The following CHRM3 variants were observed in gnomAD, a reference collection of about 807,000 sequenced individuals.
The protein encoded by CHRM3 is muscarinic acetylcholine receptor M3.
A neutral mutation model predicts 41.8 loss-of-function variants in CHRM3; 11 were observed. That is an observed-to-expected ratio of 0.26 (90% CI 0.17 to 0.44). The LOEUF (loss-of-function observed/expected upper bound fraction) is 0.44, where lower values mean the gene tolerates loss of function less well. Among genes scored for constraint, CHRM3 ranks in the 20% least tolerant of loss-of-function variants. The pLI is 1.00. For missense variants in CHRM3, 571 were observed against 745.4 expected (o/e 0.77, Z 2.72); for synonymous variants, 297 against 301.4 (o/e 0.99, Z 0.15).
chr1:239,809,955 C>T (rs762010573), intron 5 of CHRM3, among the ~76,000 whole-genome samples: 2 of 152,152 alleles, frequency 1.3e-5, no homozygotes, highest in African/African-American at 2.4e-5. Flanking sequence ...AGTGTCTGCT[C>T]GACTAAGGAG....
chr1:239,421,902 A>G (rs1053633947), intron 1 of CHRM3, among the ~76,000 whole-genome samples: 1 of 152,104 alleles, frequency 6.6e-6, no homozygotes, highest in African/African-American at 2.4e-5. Flanking sequence ...TCACTTGTTA[A>G]GAATGCAGGT....
At chr1:239,728,737 A>T (rs1381315030) in intron 5 of CHRM3, among the ~76,000 whole-genome samples, 1 of 151,978 alleles carries the variant, frequency 6.6e-6, no homozygotes, top group East Asian at 1.9e-4. Context: ...CTACTCAAGG[A>T]TCTACTAAAC....
intron 1 of CHRM3, among the ~76,000 whole-genome samples, chr1:239,416,472 G>T (rs1158303263): frequency 6.6e-6 from 1 of 152,020 alleles, no homozygotes; most frequent in Admixed American, 6.6e-5. Flanking sequence ...GAACAAGAAT[G>T]AAATATACTT....
intron 1 of CHRM3, among the ~76,000 whole-genome samples, chr1:239,431,133 C>T (rs577346839): frequency 8.5e-5 from 13 of 152,102 alleles, no homozygotes; most frequent in African/African-American, 2.2e-4. Context: ...TTCATGTATT[C>T]GCTTGTTTAT....
intron 5 of CHRM3, among the ~76,000 whole-genome samples, chr1:239,796,027 G>A (rs1187124049): frequency 6.6e-6 from 1 of 152,124 alleles, no homozygotes; most frequent in Non-Finnish European, 1.5e-5. Flanking sequence ...TTTTGGCTGA[G>A]CATTTTTTTA....
rs1190587183 is a variant in CHRM3 at position 239,567,312 on chromosome 1, A to AC, written c.-313+21563_-313+21564insC. 3.3e-5 allele frequency among the ~76,000 whole-genome samples: 5 copies of AC among 151,666 alleles called. No individual in the cohort carries two copies. In the East Asian group the frequency reaches 9.7e-4, roughly 30 times the overall value. On this transcript the variant is annotated intron_variant, in intron 3 of 6. Coordinates refer to ENST00000676153, the MANE Select transcript of CHRM3 (RefSeq NM_001375978.1). ...CACAGTAAGACCTCATCTGAAAAAAAAAAAAAGCACAAATCCAAACACTGG... is the reference window on the plus strand; with the variant it reads ...CACAGTAAGACCTCATCTGAAAAAAACAAAAAAGCACAAATCCAAACACTGG...
chr1:239,575,524 G>T (rs1468635016), intron 3 of CHRM3, among the ~76,000 whole-genome samples: 1 of 152,068 alleles, frequency 6.6e-6, no homozygotes, highest in Admixed American at 6.5e-5. Flanking sequence ...ATTAATAGGG[G>T]TTCATGTTTT....
chr1:239,618,583 G>A (rs955609189), intron 3 of CHRM3, among the ~76,000 whole-genome samples: 31 of 151,690 alleles, frequency 2.0e-4, no homozygotes, highest in Non-Finnish European at 3.2e-4. Flanking sequence ...GGTGGCTCAC[G>A]CCTGTAATCC....
intron 5 of CHRM3, among the ~76,000 whole-genome samples, chr1:239,709,793 A>G (rs559126129): frequency 3.2e-4 from 48 of 152,344 alleles, no homozygotes; most frequent in African/African-American, 1.1e-3. Context: ...AAAGAGATTA[A>G]CCAGTGAAGA....
chr1:239,399,406 C>A (rs1240754342), intron 1 of CHRM3, among the ~76,000 whole-genome samples: 1 of 148,068 alleles, frequency 6.8e-6, no homozygotes, highest in East Asian at 2.0e-4. Flanking sequence ...TGTTAGTTAT[C>A]ATTAACCATA....
chr1:239,395,582 T>G (rs763648708), intron 1 of CHRM3, among the ~76,000 whole-genome samples: 11 of 152,172 alleles, frequency 7.2e-5, no homozygotes, highest in Admixed American at 1.3e-4. Flanking sequence ...TTTCTGCAAC[T>G]TAAATGTGCA....
chr1:239,606,010 A>G (rs1020453528), intron 3 of CHRM3: 1 of 152,160 alleles, frequency 6.6e-6, no homozygotes, highest in African/African-American at 2.4e-5. Context: ...CTCAGTGTAC[A>G]GTGTACTTGA....
intron 1 of CHRM3, among the ~76,000 whole-genome samples, chr1:239,466,874 T>G (rs1428464742): frequency 6.6e-6 from 1 of 152,172 alleles, no homozygotes; most frequent in Admixed American, 6.5e-5. Flanking sequence ...AGAAACTAGC[T>G]AAAAGGTTTC....
At chr1:239,414,875 T>C (rs1661376437) in intron 1 of CHRM3, among the ~76,000 whole-genome samples, 1 of 152,220 alleles carries the variant, frequency 6.6e-6, no homozygotes, top group Non-Finnish European at 1.5e-5. Context: ...TTTGTTTGCT[T>C]ACTCTGTGTA....
intron 5 of CHRM3, among the ~76,000 whole-genome samples, chr1:239,698,819 C>T (rs1210270407): frequency 6.6e-6 from 1 of 152,160 alleles, no homozygotes; most frequent in African/African-American, 2.4e-5. Context: ...TGACCAGGAT[C>T]TGCATTGTCT....
At chr1:239,846,523 G>GA (rs1221476358) in intron 6 of CHRM3, among the ~76,000 whole-genome samples, 1 of 152,102 alleles carries the variant, frequency 6.6e-6, no homozygotes, top group African/African-American at 2.4e-5. Flanking sequence ...CAGGTTATGA[G>GA]AAAAAACTGA....
intron 1 of CHRM3, among the ~76,000 whole-genome samples, chr1:239,457,217 G>A (rs531966372): frequency 6.6e-5 from 10 of 152,124 alleles, no homozygotes; most frequent in Middle Eastern, 3.4e-3. Flanking sequence ...CTCCATTTTC[G>A]CAACTGTAAA....
At chr1:239,453,222 TCC>T (rs1263441689) in intron 1 of CHRM3, among the ~76,000 whole-genome samples, 1 of 152,230 alleles carries the variant, frequency 6.6e-6, no homozygotes, top group Non-Finnish European at 1.5e-5. Context: ...ATTTGACCTC[TCC>T]ATTATATTTC....
At chr1:239,474,113 A>T (rs1391431443) in intron 1 of CHRM3, among the ~76,000 whole-genome samples, 1 of 152,238 alleles carries the variant, frequency 6.6e-6, no homozygotes, top group East Asian at 1.9e-4. Context: ...AAAAGAAAAA[A>T]TAAAATTAAA....
Sources: gnomAD v4.1 joint callset for allele counts (sites outside exome capture counted in the v4.1 genomes callset) on GRCh38, gnomAD v4.1.1 for gene constraint, MANE v1.5 for transcripts, NCBI Gene and HGNC (gene_info 2026-07-23, HGNC 2026-07-21) for gene names.